Variants in EFHC1 observed in about 807,000 individuals in gnomAD.
EFHC1 encodes EF-hand domain containing 1.
EFHC1 carries 53 observed loss-of-function variants against 69.9 expected under a neutral mutation model. The observed-to-expected ratio is 0.76, with a 90% CI of 0.61 to 0.95. The LOEUF is 0.95. Among genes scored for constraint, EFHC1 ranks in the 40% least tolerant of loss-of-function variants. The pLI is 0.00. For synonymous variants in EFHC1, 256 were observed against 278.4 expected, an observed-to-expected ratio of 0.92 and a Z score of 0.80; for missense variants, 739 against 798.7, an observed-to-expected ratio of 0.93 and a Z score of 0.90.
intron 9 of EFHC1, 43 bp downstream of exon 9, chr6:52,479,830 A>G: frequency 6.2e-7 from 1 of 1,610,832 alleles, no homozygotes; most frequent in Non-Finnish European, 8.5e-7. Flanking sequence ...CAAGATATTC[A>G]GGAAGTAATT....
rs537731398 is a variant in EFHC1 at position 52,448,478 on chromosome 6, C to G, written c.574-4210C>G. ...TTCCAGATACTGTCTGTCACAGCTTCCCTTTGCTAGGAAAGGGAATTCCCC... is the reference window on the plus strand; with the variant it reads ...TTCCAGATACTGTCTGTCACAGCTTGCCTTTGCTAGGAAAGGGAATTCCCC... On this transcript the variant is annotated intron_variant, in intron 3 of 10. Transcript: ENST00000371068. 1.6e-4 allele frequency among the ~76,000 whole-genome samples: 25 copies of G among 152,334 alleles called. No individual in the cohort carries two copies. The South Asian group carries it at 5.2e-3, about 32-fold the overall frequency.
rs1554262447 is a variant in EFHC1 at position 52,493,385 on chromosome 6, T to TATATATATATATATATATATATATATATA, written c.*1044_*1045insATATATATATATATATATATATATATATA. 6 of 209,474 alleles carry TATATATATATATATATATATATATATATA rather than the reference T, an allele frequency of 2.9e-5. No homozygotes were observed. Among genetic ancestry groups the TATATATATATATATATATATATATATATA allele is most frequent in the African/African-American group, 5.7e-5 (2 of 35,238 alleles). The allele number at this position is 209,474 out of a possible 1,614,324, so 13.0% of individuals were successfully genotyped here. A position where few individuals can be genotyped will look rare whatever the true frequency, so the allele number is the denominator to read the frequency against. On this transcript the variant is annotated 3_prime_UTR_variant, in exon 11 of 11. Coordinates refer to ENST00000371068, the MANE Select transcript of EFHC1 (RefSeq NM_018100.4). ...CTCTACATATATATATATATATATA[T>TATATATATATATATATATATATATATATA]TTTATATGTACACATTCATACACAC...
chr6:52,490,672 T>C (rs774457322), intron 10 of EFHC1: 1 of 546,086 alleles, frequency 1.8e-6, no homozygotes, highest in South Asian at 2.5e-5. Flanking sequence ...CAAAGATAAG[T>C]TGATAGAGCA....
chr6:52,479,801 T>A lies in EFHC1; in HGVS notation c.1640+14T>A. Reference sequence around the variant, plus strand: ...AGAAGCAGAAAGGTGTGTGTTTGATTGCTAGGGTTTGGCACACTCAAGATA... The same window carrying A: ...AGAAGCAGAAAGGTGTGTGTTTGATAGCTAGGGTTTGGCACACTCAAGATA... On this transcript the variant is annotated intron_variant, in intron 9 of 10. Coordinates refer to ENST00000371068, the MANE Select transcript of EFHC1 (RefSeq NM_018100.4). 1 of 1,613,632 alleles carries A rather than the reference T, an allele frequency of 6.2e-7. No homozygotes were observed. The highest frequency in any genetic ancestry group is 8.5e-7 in the Non-Finnish European group (1 of 1,179,976).
At chr6:52,446,265 T>C (rs1301693150) in intron 3 of EFHC1, among the ~76,000 whole-genome samples, 1 of 152,196 alleles carries the variant, frequency 6.6e-6, no homozygotes, top group Non-Finnish European at 1.5e-5. Flanking sequence ...GCATATATAT[T>C]TAGGATAGTT....
intron 6 of EFHC1, among the ~76,000 whole-genome samples, chr6:52,467,696 TATATA>T (rs1162167588): frequency 6.6e-6 from 1 of 152,222 alleles, no homozygotes; most frequent in Non-Finnish European, 1.5e-5. Flanking sequence ...AAACTAATTT[TATATA>T]ATAAAACATC....
At chr6:52,478,961 C>G in intron 7 of EFHC1, 76 bp from the exon 8 acceptor site, 1 of 1,345,996 alleles carries the variant, frequency 7.4e-7, no homozygotes, top group Non-Finnish European at 1.1e-6. Flanking sequence ...TATACCTGGC[C>G]CCTATAGGCA....
At chr6:52,441,997 T>C (rs191923956) in intron 3 of EFHC1, among the ~76,000 whole-genome samples, 1 of 152,274 alleles carries the variant, frequency 6.6e-6, no homozygotes, top group Admixed American at 6.5e-5. Flanking sequence ...AAGGAGTTTT[T>C]GGGATGAGGC....
intron 2 of EFHC1, among the ~76,000 whole-genome samples, chr6:52,437,407 C>T (rs758753487): frequency 6.6e-6 from 1 of 152,180 alleles, no homozygotes; most frequent in African/African-American, 2.4e-5. Context: ...AGTTTATACA[C>T]ATTGTGAGTA....
In EFHC1 at chr6:52,469,391, C is replaced by T. The variant is rs2114012431; in HGVS notation, c.1196C>T (p.Ala399Val). The stretch of plus-strand genomic sequence containing the variant: ...GAAGATTCTGCTCAGAATTGTTTTG[C>T]TCTCATTCCAAAAGCTCCAAAAAAA... The part of the protein sequence containing the change: ...LVEDSAQNCF[A>V]LIPKAPKKDV... The change falls in exon 7 of 11, where the codon GCT becomes GTT. Residue 399 changes from alanine (A) to valine (V), a missense_variant. Transcript: ENST00000371068. 1.2e-6 allele frequency: 2 copies of T among 1,613,984 alleles called. No individual in the cohort carries two copies. Among genetic ancestry groups the T allele is most frequent in the Non-Finnish European group, 1.7e-6 (2 of 1,179,934 alleles).
intron 1 of EFHC1, chr6:52,423,667 T>TTTTTTC: frequency 8.9e-6 from 4 of 451,492 alleles, no homozygotes; most frequent in Non-Finnish European, 1.1e-5. Context: ...ATTTTTTTTT[T>TTTTTTC]TTTTTTTTTT....
chr6:52,426,749 G>A lies in EFHC1; in HGVS notation c.285+2582G>A, dbSNP rs554733044. Among the ~76,000 whole-genome samples the A allele has an allele frequency of 1.2e-4, 18 of 152,252 alleles. No homozygotes were observed. In the South Asian group the frequency reaches 3.7e-3, roughly 32 times the overall value. On this transcript the variant is annotated intron_variant, in intron 2 of 10. Coordinates refer to ENST00000371068, the MANE Select transcript of EFHC1 (RefSeq NM_018100.4). The stretch of plus-strand genomic sequence containing the variant: ...AAGCTTGAAACCTGAGCCATCTTTG[G>A]CTTTTTCTCTCCTTTATCCTCCACA...
chr6:52,478,031 G>A (rs866338820), intron 7 of EFHC1, among the ~76,000 whole-genome samples: 3 of 152,080 alleles, frequency 2.0e-5, no homozygotes, highest in Non-Finnish European at 4.4e-5. Context: ...CAACCCAAAT[G>A]TCCAACAATG....
At chr6:52,489,243 G>A (rs1306042491) in intron 9 of EFHC1, 1 of 152,168 alleles carries the variant, frequency 6.6e-6, no homozygotes, top group Non-Finnish European at 1.5e-5. Flanking sequence ...GAGGTGACTG[G>A]GCATAATTGA....
intron 9 of EFHC1, chr6:52,486,668 C>T (rs1342393958): frequency 2.0e-5 from 3 of 152,132 alleles, no homozygotes; most frequent in Non-Finnish European, 2.9e-5. Flanking sequence ...AGTTTTCTCA[C>T]CCTTCATCTT....
chr6:52,491,617 C>T (rs574619744), intron 10 of EFHC1, among the ~76,000 whole-genome samples: 11 of 152,290 alleles, frequency 7.2e-5, no homozygotes, highest in African/African-American at 2.4e-4. Flanking sequence ...GACATCTCTA[C>T]GACAATTACT....
chr6:52,449,612 A>G lies in EFHC1; in HGVS notation c.574-3076A>G, dbSNP rs1394552062. Among the ~76,000 whole-genome samples, 3 of 152,160 alleles carry G rather than the reference A, an allele frequency of 2.0e-5. No individual in the cohort carries two copies. The East Asian group carries it at 5.8e-4, about 29-fold the overall frequency. On this transcript the variant is annotated intron_variant, in intron 3 of 10. Coordinates refer to ENST00000371068, the MANE Select transcript of EFHC1 (RefSeq NM_018100.4). ...TTCTAGGTTTTCTAGTGTTGTGCATACAAGTGTTCATAATATTCTCTGATG... is the reference window on the plus strand; with the variant it reads ...TTCTAGGTTTTCTAGTGTTGTGCATGCAAGTGTTCATAATATTCTCTGATG...
At position 52,438,472 on chromosome 6, in the gene EFHC1, C is replaced by T. The variant is rs1452285129; in HGVS notation, c.454C>T (p.Gln152Ter). Reference sequence around the variant, plus strand: ...CCTTCAAGGCAAGTTAATAAAACGCCAGCGGCTAGCCAAGAATGACCGGGG... The same window carrying T: ...CCTTCAAGGCAAGTTAATAAAACGCTAGCGGCTAGCCAAGAATGACCGGGG... Reference protein sequence around the residue: ...GILQGKLIKRQRLAKNDRGDH... With the variant: ...GILQGKLIKR The change falls in exon 3 of 11, where the codon CAG (glutamine) becomes TAG (stop). Residue 152 changes from glutamine (Q) to a stop codon, truncating the protein, a stop_gained. Coordinates refer to ENST00000371068, the MANE Select transcript of EFHC1 (RefSeq NM_018100.4). LOFTEE classifies it high-confidence loss of function. 6.2e-7 allele frequency: 1 copy of T among 1,613,886 alleles called. No individual in the cohort carries two copies. The highest frequency in any genetic ancestry group is 8.5e-7 in the Non-Finnish European group (1 of 1,179,978).
chr6:52,475,961 G>A (rs1261365987), intron 7 of EFHC1, among the ~76,000 whole-genome samples: 1 of 152,340 alleles, frequency 6.6e-6, no homozygotes, highest in African/African-American at 2.4e-5. Context: ...AATGGGGAAA[G>A]CCTCTCTGAG....
Sources: gnomAD v4.1 joint callset for allele counts (sites outside exome capture counted in the v4.1 genomes callset) on GRCh38, gnomAD v4.1.1 for gene constraint, MANE v1.5 for transcripts, NCBI Gene and HGNC (gene_info 2026-07-23, HGNC 2026-07-21) for gene names.